The following NKAIN2 variants were observed in gnomAD, a reference collection of about 807,000 sequenced individuals.
NKAIN2 encodes sodium/potassium transporting ATPase interacting 2, also known as sodium/potassium-transporting ATPase subunit beta-1-interacting protein 2.
A neutral mutation model predicts 32.6 loss-of-function variants in NKAIN2; 14 were observed. That is an observed-to-expected ratio of 0.43 (90% CI 0.28 to 0.67). The LOEUF (loss-of-function observed/expected upper bound fraction) is 0.67. Among genes scored for constraint, NKAIN2 ranks in the 30% least tolerant of loss-of-function variants. The pLI, the probability that NKAIN2 is intolerant of heterozygous loss-of-function variation, is 0.17. For missense variants in NKAIN2, 198 were observed against 258.3 expected (o/e 0.77, Z 1.60); for synonymous variants, 80 against 87.2 (o/e 0.92, Z 0.46).
chr6:124,213,496 T>TA (rs923197954), intron 1 of NKAIN2, among the ~76,000 whole-genome samples: 1 of 151,648 alleles, frequency 6.6e-6, no homozygotes, highest in Non-Finnish European at 1.5e-5. Context: ...AAAGAATAAA[T>TA]AAAAAAATAC....
At position 124,482,712 on chromosome 6, in the gene NKAIN2, A is replaced by G. The variant is rs1476439270; in HGVS notation, c.273+127365A>G. ...TGCCATTCATTATTACCAGGAAATA[A>G]TATTGGATTCTGTTGAAAAGAATGT... On this transcript the variant is annotated intron_variant, in intron 3 of 6. Transcript: ENST00000368417. Among the ~76,000 whole-genome samples, 5 of 152,376 alleles carry G rather than the reference A, an allele frequency of 3.3e-5. No individual in the cohort carries two copies. In the East Asian group the frequency reaches 7.7e-4, roughly 23 times the overall value.
chr6:124,168,679 G>C (rs1408642631), intron 1 of NKAIN2, among the ~76,000 whole-genome samples: 1 of 151,826 alleles, frequency 6.6e-6, no homozygotes, highest in Non-Finnish European at 1.5e-5. Context: ...TAAATATTTA[G>C]GTATTGTGAA....
intron 3 of NKAIN2, among the ~76,000 whole-genome samples, chr6:124,557,306 A>C (rs1780511810): frequency 6.6e-6 from 1 of 152,318 alleles, no homozygotes; most frequent in Non-Finnish European, 1.5e-5. Flanking sequence ...TTCAAAGTAC[A>C]AAAAAGTAGA....
intron 3 of NKAIN2, among the ~76,000 whole-genome samples, chr6:124,446,807 C>A (rs1775911458): frequency 6.6e-6 from 1 of 152,052 alleles, no homozygotes; most frequent in South Asian, 2.1e-4. Flanking sequence ...CTAACTTACA[C>A]CAATTTTCCA....
At chr6:124,555,624 T>A (rs1780445967) in intron 3 of NKAIN2, among the ~76,000 whole-genome samples, 1 of 152,228 alleles carries the variant, frequency 6.6e-6, no homozygotes, top group African/African-American at 2.4e-5. Flanking sequence ...CCTTTCTTTG[T>A]TTCTCATTGT....
At chr6:124,170,910 G>GT (rs1326857595) in intron 1 of NKAIN2, among the ~76,000 whole-genome samples, 3 of 151,940 alleles carry the variant, frequency 2.0e-5, no homozygotes, top group Admixed American at 6.6e-5. Flanking sequence ...TTCTTTATAA[G>GT]TTTTTTCCCC....
intron 3 of NKAIN2, among the ~76,000 whole-genome samples, chr6:124,419,005 T>G (rs1406248147): frequency 6.6e-6 from 1 of 152,166 alleles, no homozygotes; most frequent in African/African-American, 2.4e-5. Context: ...CTAAAATGAC[T>G]ATCCATTGTC....
chr6:124,081,647 A>C (rs1013224144), intron 1 of NKAIN2, among the ~76,000 whole-genome samples: 8 of 152,256 alleles, frequency 5.3e-5, no homozygotes, highest in Non-Finnish European at 1.0e-4. Context: ...TGAATTTTCT[A>C]GCAGAGTCAT....
chr6:124,147,319 T>C (rs963898292), intron 1 of NKAIN2, among the ~76,000 whole-genome samples: 2 of 152,178 alleles, frequency 1.3e-5, no homozygotes, highest in African/African-American at 4.8e-5. Context: ...ACAACACTGA[T>C]TGCACACATG....
chr6:124,740,029 T>G (rs1317756764), intron 4 of NKAIN2, among the ~76,000 whole-genome samples: 1 of 151,850 alleles, frequency 6.6e-6, no homozygotes, highest in Non-Finnish European at 1.5e-5. Context: ...GACACTTGTT[T>G]AATGGCTGGT....
intron 1 of NKAIN2, among the ~76,000 whole-genome samples, chr6:124,107,876 T>A (rs1785192189): frequency 6.6e-6 from 1 of 152,158 alleles, no homozygotes; most frequent in South Asian, 2.1e-4. Context: ...CTTTTTTAAG[T>A]CTACATAATA....
intron 1 of NKAIN2, among the ~76,000 whole-genome samples, chr6:124,201,529 A>G (rs1012539348): frequency 3.9e-5 from 6 of 152,044 alleles, no homozygotes; most frequent in Admixed American, 2.6e-4. Flanking sequence ...GTTAGCAAAC[A>G]TGGATGTATG....
Position 123,804,094 on chromosome 6 carries a change from G to C in NKAIN2, c.-107G>C. 1 of 994,886 alleles carries C rather than the reference G, an allele frequency of 1.0e-6. No homozygotes were observed. Among genetic ancestry groups the C allele is most frequent in the Non-Finnish European group, 1.6e-6 (1 of 617,028 alleles). The allele number at this position is 994,886 out of a possible 1,614,324, so 61.6% of individuals were successfully genotyped here. A position where few individuals can be genotyped will look rare whatever the true frequency, so the allele number is the denominator to read the frequency against. On this transcript the variant is annotated 5_prime_UTR_variant, in exon 1 of 7. Transcript: ENST00000368417. The stretch of plus-strand genomic sequence containing the variant: ...AGCAGCAGCAGCCCGGAGCCCCCGA[G>C]CCCTCGGCAGGTTTGCGTGTCCTTC...
chr6:124,445,755 A>G (rs1345210336), intron 3 of NKAIN2, among the ~76,000 whole-genome samples: 1 of 140,506 alleles, frequency 7.1e-6, no homozygotes, highest in Non-Finnish European at 1.6e-5. Flanking sequence ...GGAAAAAAGA[A>G]AAAAACAAAA....
chr6:124,136,748 A>T (rs1483752310), intron 1 of NKAIN2, among the ~76,000 whole-genome samples: 2 of 152,182 alleles, frequency 1.3e-5, no homozygotes, highest in Admixed American at 1.3e-4. Context: ...AGAATTAAAA[A>T]CAAAAATCAT....
chr6:124,238,922 A>G (rs994796785), intron 1 of NKAIN2, among the ~76,000 whole-genome samples: 1 of 152,222 alleles, frequency 6.6e-6, no homozygotes, highest in South Asian at 2.1e-4. Flanking sequence ...AAATTCACAC[A>G]TAACAATATT....
chr6:124,411,075 C>G (rs1432224176), intron 3 of NKAIN2, among the ~76,000 whole-genome samples: 1 of 151,894 alleles, frequency 6.6e-6, no homozygotes, highest in Non-Finnish European at 1.5e-5. Flanking sequence ...CTATGTGTGT[C>G]TCTGCACGTG....
In NKAIN2 at chr6:124,318,863, C is replaced by G. The variant is rs563879966; in HGVS notation, c.192+35721C>G. On this transcript the variant is annotated intron_variant, in intron 2 of 6. Coordinates refer to ENST00000368417, the MANE Select transcript of NKAIN2 (RefSeq NM_001040214.3). ...TTCAGACCCCAAGAAAAAGAGATTCCAAAGTCTGCTGAGTAAACAAGTCTG... is the reference window on the plus strand; with the variant it reads ...TTCAGACCCCAAGAAAAAGAGATTCGAAAGTCTGCTGAGTAAACAAGTCTG... Among the ~76,000 whole-genome samples the G allele has an allele frequency of 9.2e-5, 14 of 152,162 alleles. No individual in the cohort carries two copies. In the East Asian group the frequency reaches 2.7e-3, roughly 29 times the overall value.
chr6:124,234,551 G>T (rs1430323623), intron 1 of NKAIN2, among the ~76,000 whole-genome samples: 1 of 152,022 alleles, frequency 6.6e-6, no homozygotes, highest in Non-Finnish European at 1.5e-5. Flanking sequence ...TTAGCCAATT[G>T]CCCATCATGG....
Sources: gnomAD v4.1 joint callset for allele counts (sites outside exome capture counted in the v4.1 genomes callset) on GRCh38, gnomAD v4.1.1 for gene constraint, MANE v1.5 for transcripts, NCBI Gene and HGNC (gene_info 2026-07-23, HGNC 2026-07-21) for gene names.